Variants in TSPAN19 observed in about 807,000 individuals in gnomAD.
TSPAN19 encodes tetraspanin-19.
Under a neutral mutation model 35.1 loss-of-function variants are expected in TSPAN19, and 44 were observed. That is an observed-to-expected ratio of 1.25 (90% confidence interval 0.98 to 1.61). TSPAN19 has a LOEUF of 1.61. Ranked by LOEUF, TSPAN19 falls within the 40% of genes most tolerant of loss-of-function variation. The pLI, the probability that TSPAN19 is intolerant of heterozygous loss-of-function variation, is 0.00. For missense variants in TSPAN19, 290 were observed against 280.0 expected (o/e 1.04, Z -0.26); for synonymous variants, 79 against 92.0 (o/e 0.86, Z 0.81).
intron 7 of TSPAN19, chr12:85,016,790 T>C (rs1876831393): frequency 6.6e-6 from 1 of 151,836 alleles, no homozygotes; most frequent in African/African-American, 2.4e-5. Flanking sequence ...CTACTGTATA[T>C]ATCACCACAT....
intron 3 of TSPAN19, among the ~76,000 whole-genome samples, chr12:85,028,838 C>T (rs746947386): frequency 9.2e-5 from 14 of 152,064 alleles, no homozygotes; most frequent in African/African-American, 1.7e-4. Flanking sequence ...GGTTGTTAAA[C>T]GTTTGCCGGC....
rs998819622 is a variant in TSPAN19, at chr12:85,036,232, G to T, written c.-56C>A. The stretch of plus-strand genomic sequence containing the variant: ...TAAAAAACCGTAAGCTCCTCATCCA[G>T]TCCCTGAAATGCTGCGTTCGTTTCA... On this transcript the variant is annotated 5_prime_UTR_variant, in exon 1 of 9. The change creates a new upstream start codon in the 5' untranslated region. Transcript: ENST00000532498. The T allele has an allele frequency of 3.3e-5, 5 of 152,170 alleles. No homozygotes were observed. The highest frequency in any genetic ancestry group is 1.2e-4 in the African/African-American group (5 of 41,442). The allele number at this position is 152,170 out of a possible 1,614,324, so 9.4% of individuals were successfully genotyped here.
At chr12:85,016,180 G>A in intron 7 of TSPAN19, 2 of 402,624 alleles carry the variant, frequency 5.0e-6, no homozygotes, top group East Asian at 4.2e-5. Flanking sequence ...TTGCTAAGAT[G>A]TTATCATGTA....
intron 3 of TSPAN19, among the ~76,000 whole-genome samples, chr12:85,028,853 T>C (rs1877549539): frequency 6.6e-6 from 1 of 152,294 alleles, no homozygotes; most frequent in Non-Finnish European, 1.5e-5. Flanking sequence ...GCCGGCATAC[T>C]ACTGGGAACA....
intron 5 of TSPAN19, among the ~76,000 whole-genome samples, chr12:85,021,214 GGAGCT>G (rs1877104551): frequency 6.6e-6 from 1 of 151,934 alleles, no homozygotes; most frequent in Non-Finnish European, 1.5e-5. Flanking sequence ...TTGTTTACAA[GGAGCT>G]GAGACTTTTA....
intron 3 of TSPAN19, among the ~76,000 whole-genome samples, chr12:85,028,561 A>G (rs1037490744): frequency 4.6e-5 from 7 of 152,224 alleles, no homozygotes; most frequent in Non-Finnish European, 1.0e-4. Context: ...CACAAACAGC[A>G]GAACAATAAA....
intron 7 of TSPAN19, chr12:85,016,585 A>G (rs1047978218): frequency 6.6e-6 from 1 of 152,046 alleles, no homozygotes; most frequent in African/African-American, 2.4e-5. Context: ...GGTGGGTAGC[A>G]TCTGCATCAT....
intron 5 of TSPAN19, among the ~76,000 whole-genome samples, chr12:85,023,115 C>T (rs1877208816): frequency 6.6e-6 from 1 of 152,092 alleles, no homozygotes; most frequent in South Asian, 2.1e-4. Flanking sequence ...CATATGCAAA[C>T]AGAGTTAAAG....
intron 5 of TSPAN19, among the ~76,000 whole-genome samples, chr12:85,020,973 A>T (rs1877090361): frequency 6.6e-6 from 1 of 152,092 alleles, no homozygotes; most frequent in Non-Finnish European, 1.5e-5. Context: ...CAATACTAAC[A>T]CAAAAATGAT....
chr12:85,028,267 C>T (rs929754022), intron 3 of TSPAN19, among the ~76,000 whole-genome samples: 13 of 152,200 alleles, frequency 8.5e-5, no homozygotes, highest in South Asian at 6.2e-4. Flanking sequence ...TTCAGAAGAT[C>T]GCTTTACCCT....
At chr12:85,035,331 C>A (rs533458010) in intron 1 of TSPAN19, 4 of 152,086 alleles carry the variant, frequency 2.6e-5, no homozygotes, top group African/African-American at 9.6e-5. Context: ...AAAAAAAGAA[C>A]AAATTCCATT....
intron 3 of TSPAN19, among the ~76,000 whole-genome samples, chr12:85,028,380 T>G (rs1357265927): frequency 6.6e-6 from 1 of 152,208 alleles, no homozygotes; most frequent in Non-Finnish European, 1.5e-5. Flanking sequence ...ATCAAAAATC[T>G]TTAGAACTTA....
rs1475062510 is a variant in TSPAN19, at chr12:85,017,472, T to C, written c.578A>G (p.Asn193Ser). Residue 193 changes from asparagine (N) to serine (S), a missense_variant, in exon 7 of 9, where the codon AAT (asparagine) becomes AGT (serine). Asn to Ser is a conservative substitution (Grantham distance 46, BLOSUM62 1). Coordinates refer to ENST00000532498, the MANE Select transcript of TSPAN19 (RefSeq NM_001100917.2). ...TATCTTTACCTCAAGGTAAGTTGCA[T>C]TCAGTGGCTCATCACAAAACCATTT... is the stretch of plus-strand genomic sequence containing the variant. ...LRKWFCDEPLNATYLEGCENK... is the reference protein window; with the variant it reads ...LRKWFCDEPLSATYLEGCENK... 1.2e-6 allele frequency: 2 copies of C among 1,608,646 alleles called. No individual in the cohort carries two copies. Among genetic ancestry groups the C allele is most frequent in the Non-Finnish European group, 1.7e-6 (2 of 1,177,162 alleles).
At chr12:85,019,879 A>G in intron 5 of TSPAN19, 143 bp from the exon 6 acceptor site, 3 of 547,564 alleles carry the variant, frequency 5.5e-6, no homozygotes, top group Admixed American at 3.5e-5. Context: ...TCTTTTTAAA[A>G]TAACTTTTTA....
intron 3 of TSPAN19, among the ~76,000 whole-genome samples, chr12:85,028,326 T>C (rs868710973): frequency 2.6e-5 from 4 of 152,228 alleles, no homozygotes; most frequent in Admixed American, 2.6e-4. Flanking sequence ...TAAGATTTCA[T>C]CTATGTCCAA....
chr12:85,031,210 G>GT (rs1877670086), intron 1 of TSPAN19, among the ~76,000 whole-genome samples: 1 of 152,034 alleles, frequency 6.6e-6, no homozygotes, highest in Non-Finnish European at 1.5e-5. Context: ...GCTGTCATTT[G>GT]TTTTTTCTAC....
At chr12:85,030,254 T>C (rs140990561) in intron 1 of TSPAN19, among the ~76,000 whole-genome samples, 4 of 152,236 alleles carry the variant, frequency 2.6e-5, no homozygotes, top group African/African-American at 9.6e-5. Flanking sequence ...ACAAGTCAAG[T>C]AGCCTTACTG....
Position 85,030,355 on chromosome 12 carries a change from C to A in TSPAN19, c.-27-382G>T, listed in dbSNP as rs562660437. On this transcript the variant is annotated intron_variant, in intron 1 of 8. Coordinates refer to ENST00000532498, the MANE Select transcript of TSPAN19 (RefSeq NM_001100917.2). ...TATTTTAATCCTAACCATTAGATAG[C>A]CAGGAACATTTCCAGTCTTAATATA... Among the ~76,000 whole-genome samples, 296 of 152,154 alleles carry A rather than the reference C, an allele frequency of 1.9e-3. 2 individuals are homozygous for A. Among genetic ancestry groups the A allele is most frequent in the African/African-American group, 6.8e-3 (282 of 41,522 alleles).
intron 1 of TSPAN19, among the ~76,000 whole-genome samples, chr12:85,034,759 G>A (rs1173820073): frequency 1.3e-5 from 2 of 152,114 alleles, no homozygotes; most frequent in South Asian, 2.1e-4. Context: ...ATATTCTAGC[G>A]AAATTATGAC....
Sources: gnomAD v4.1 joint callset for allele counts (sites outside exome capture counted in the v4.1 genomes callset) on GRCh38, gnomAD v4.1.1 for gene constraint, MANE v1.5 for transcripts, NCBI Gene and HGNC (gene_info 2026-07-23, HGNC 2026-07-21) for gene names.